Variants in PLCH1 observed in about 807,000 individuals in gnomAD.
PLCH1 encodes phospholipase C eta 1.
Under a neutral mutation model 126.7 loss-of-function variants are expected in PLCH1, and 60 were observed. That is an observed-to-expected ratio of 0.47 (90% CI 0.38 to 0.59). PLCH1 has a LOEUF of 0.59. PLCH1 is among the 20% of genes least tolerant of loss of function. The pLI is 0.00. For missense variants in PLCH1, 1,723 were observed against 2,040.0 expected, an observed-to-expected ratio of 0.84 and a Z score of 2.99; for synonymous variants, 719 against 734.9, an observed-to-expected ratio of 0.98 and a Z score of 0.35.
intron 9 of PLCH1, among the ~76,000 whole-genome samples, chr3:155,550,727 AC>A (rs1725996593): frequency 6.6e-6 from 1 of 152,178 alleles, no homozygotes; most frequent in Admixed American, 6.5e-5. Flanking sequence ...AGGTTCATTG[AC>A]TTTTTTCTAG....
intron 21 of PLCH1, among the ~76,000 whole-genome samples, chr3:155,466,844 A>T (rs557872650): frequency 1.3e-5 from 2 of 152,346 alleles, no homozygotes; most frequent in East Asian, 3.9e-4. Context: ...GAAAAATGCA[A>T]TTGACATACC....
Position 155,480,758 on chromosome 3 carries a change from G to A in PLCH1, c.*210C>T. ...ACTGATACAGTTTACAACAACTCAA[G>A]GGAGAAAGATCATAATAGGTACATG... is the stretch of plus-strand genomic sequence containing the variant. On this transcript the variant is annotated 3_prime_UTR_variant, in exon 23 of 23. Transcript: ENST00000460012. 1 of 541,250 alleles carries A rather than the reference G, an allele frequency of 1.8e-6. No individual in the cohort carries two copies. Among genetic ancestry groups the A allele is most frequent in the Non-Finnish European group, 3.3e-6 (1 of 306,602 alleles). 33.5% of individuals were successfully genotyped at this position (541,250 alleles called of 1,614,324 possible). A position where few individuals can be genotyped will look rare whatever the true frequency, so the allele number is the denominator to read the frequency against.
chr3:155,597,382 G>A (rs888915885), intron 2 of PLCH1, among the ~76,000 whole-genome samples: 26 of 152,156 alleles, frequency 1.7e-4, no homozygotes, highest in African/African-American at 6.0e-4. Flanking sequence ...ACTGACAAAT[G>A]ATCCCATTTT....
At chr3:155,706,066 C>T (rs975696436) in intron 1 of PLCH1, among the ~76,000 whole-genome samples, 2 of 146,520 alleles carry the variant, frequency 1.4e-5, no homozygotes, top group East Asian at 2.2e-4. Context: ...CCCAGCTATT[C>T]GGGAGGCTAA....
chr3:155,739,668 C>T (rs544902881), intron 1 of PLCH1, among the ~76,000 whole-genome samples: 3 of 152,260 alleles, frequency 2.0e-5, no homozygotes, highest in African/African-American at 7.2e-5. Context: ...CGCCTATTAC[C>T]ACTGCATTCC....
chr3:155,457,907 G>A (rs1227102157), intron 21 of PLCH1, among the ~76,000 whole-genome samples: 1 of 152,124 alleles, frequency 6.6e-6, no homozygotes, highest in East Asian at 1.9e-4. Context: ...CCTCACCCAT[G>A]GCTATTACAT....
At chr3:155,610,742 C>A (rs1734971466) in intron 2 of PLCH1, among the ~76,000 whole-genome samples, 1 of 151,804 alleles carries the variant, frequency 6.6e-6, no homozygotes, top group Admixed American at 6.6e-5. Flanking sequence ...CCTCAAAATA[C>A]ACCAAAACAG....
At chr3:155,644,678 T>C (rs1450703626) in intron 2 of PLCH1, among the ~76,000 whole-genome samples, 10 of 152,176 alleles carry the variant, frequency 6.6e-5, no homozygotes, top group African/African-American at 2.4e-4. Flanking sequence ...AAACAATTTT[T>C]TGAAGGAGAA....
At chr3:155,724,699 ATTCTGTATATTT>A (rs1263970534) in intron 1 of PLCH1, among the ~76,000 whole-genome samples, 2 of 152,052 alleles carry the variant, frequency 1.3e-5, no homozygotes, top group Admixed American at 1.3e-4. Context: ...TCATTCTGCC[ATTCTGTATATTT>A]TAAGTGGAGC....
At chr3:155,712,465 T>C (rs1465524417) in intron 1 of PLCH1, among the ~76,000 whole-genome samples, 2 of 152,120 alleles carry the variant, frequency 1.3e-5, no homozygotes, top group African/African-American at 4.8e-5. Flanking sequence ...TATGAAACAC[T>C]ACAGATTTGT....
intron 2 of PLCH1, among the ~76,000 whole-genome samples, chr3:155,606,217 ACTT>A (rs1230241628): frequency 6.6e-6 from 1 of 152,022 alleles, no homozygotes; most frequent in Non-Finnish European, 1.5e-5. Context: ...TTCTCCATTT[ACTT>A]CTTCTTGCTA....
chr3:155,637,158 T>C (rs1738822411), intron 2 of PLCH1, among the ~76,000 whole-genome samples: 1 of 152,240 alleles, frequency 6.6e-6, no homozygotes, highest in Admixed American at 6.5e-5. Context: ...GATTGGACCG[T>C]AAGCCTTTGA....
At chr3:155,594,929 G>T (rs760956887) in intron 3 of PLCH1, among the ~76,000 whole-genome samples, 21 of 152,220 alleles carry the variant, frequency 1.4e-4, no homozygotes, top group Non-Finnish European at 2.8e-4. Flanking sequence ...AAAGGAAAAA[G>T]AATTTCTGAC....
intron 1 of PLCH1, among the ~76,000 whole-genome samples, chr3:155,723,760 C>G (rs1748118873): frequency 6.6e-6 from 1 of 151,986 alleles, no homozygotes; most frequent in African/African-American, 2.4e-5. Context: ...TTGAGACCAG[C>G]CTGGCCAACA....
intron 2 of PLCH1, among the ~76,000 whole-genome samples, chr3:155,617,699 A>T (rs1735965821): frequency 6.6e-6 from 1 of 152,212 alleles, no homozygotes; most frequent in Non-Finnish European, 1.5e-5. Context: ...TACTTTACCA[A>T]GGCTTTGACT....
intron 8 of PLCH1, 105 bp downstream of exon 8, chr3:155,564,810 G>T: frequency 1.4e-6 from 1 of 692,602 alleles, no homozygotes; most frequent in Non-Finnish European, 2.6e-6. Context: ...GTACTAATTA[G>T]TGTGAGAGTG....
At chr3:155,647,081 C>T (rs1740146578) in intron 2 of PLCH1, among the ~76,000 whole-genome samples, 1 of 152,080 alleles carries the variant, frequency 6.6e-6, no homozygotes, top group Non-Finnish European at 1.5e-5. Flanking sequence ...CAAAATTAAC[C>T]ACCACCTTCC....
chr3:155,549,153 A>C (rs1032532740), intron 10 of PLCH1, among the ~76,000 whole-genome samples: 1 of 152,228 alleles, frequency 6.6e-6, no homozygotes, highest in African/African-American at 2.4e-5. Flanking sequence ...AAACTGAAAG[A>C]ACTGTCTTTC....
chr3:155,622,702 A>G (rs1736678158), intron 2 of PLCH1, among the ~76,000 whole-genome samples: 1 of 152,226 alleles, frequency 6.6e-6, no homozygotes, highest in Non-Finnish European at 1.5e-5. Flanking sequence ...CAATGCAACA[A>G]GAAGAGCTAT....
Sources: gnomAD v4.1 joint callset for allele counts (sites outside exome capture counted in the v4.1 genomes callset) on GRCh38, gnomAD v4.1.1 for gene constraint, MANE v1.5 for transcripts, NCBI Gene and HGNC (gene_info 2026-07-23, HGNC 2026-07-21) for gene names.